Variants in KCNIP4 observed in about 807,000 individuals in gnomAD.
The protein encoded by KCNIP4 is Kv channel-interacting protein 4.
A neutral mutation model predicts 34.0 loss-of-function variants in KCNIP4; 12 were observed. The ratio of observed to expected loss-of-function variants is 0.35; its 90% CI spans 0.23 to 0.57. The LOEUF (loss-of-function observed/expected upper bound fraction) is 0.57. Among genes scored for constraint, KCNIP4 ranks in the 20% least tolerant of loss-of-function variants. The pLI is 0.83. For synonymous variants in KCNIP4, 124 were observed against 102.2 expected (o/e 1.21, Z -1.29); for missense variants, 238 against 311.7 (o/e 0.76, Z 1.78).
At chr4:21,688,387 G>A (rs1339553725) in intron 1 of KCNIP4, among the ~76,000 whole-genome samples, 1 of 152,094 alleles carries the variant, frequency 6.6e-6, no homozygotes, top group Non-Finnish European at 1.5e-5. Context: ...CCAAAACACT[G>A]CTGATCCAAG....
chr4:21,513,234 A>C (rs1322951866), intron 1 of KCNIP4, among the ~76,000 whole-genome samples: 2 of 152,200 alleles, frequency 1.3e-5, no homozygotes, highest in African/African-American at 4.8e-5. Context: ...ATATGAGAAC[A>C]AATCCATCTA....
chr4:20,735,870 T>TA (rs1217223319), intron 5 of KCNIP4, among the ~76,000 whole-genome samples: 1 of 152,186 alleles, frequency 6.6e-6, no homozygotes, highest in African/African-American at 2.4e-5. Flanking sequence ...GGGTTAACGT[T>TA]ACAATGTGCT....
intron 1 of KCNIP4, among the ~76,000 whole-genome samples, chr4:21,367,149 T>G (rs1190615892): frequency 6.6e-6 from 1 of 152,192 alleles, no homozygotes; most frequent in Non-Finnish European, 1.5e-5. Context: ...ATCTTATTCT[T>G]GGACTCCCAG....
chr4:21,477,970 G>A (rs984471088), intron 1 of KCNIP4, among the ~76,000 whole-genome samples: 2 of 152,036 alleles, frequency 1.3e-5, no homozygotes, highest in Non-Finnish European at 1.5e-5. Context: ...ACAAACCCAT[G>A]AACAAAAATC....
intron 1 of KCNIP4, among the ~76,000 whole-genome samples, chr4:20,922,547 G>GTCTGTCTATCTATCTATCTA (rs373186954): frequency 1.6e-3 from 203 of 129,522 alleles, no homozygotes; most frequent in East Asian, 4.7e-3. Context: ...CTGTCTGTCT[G>GTCTGTCTATCTATCTATCTA]TCTATCTATC....
At chr4:20,967,853 TCA>T (rs1188579976) in intron 1 of KCNIP4, among the ~76,000 whole-genome samples, 1 of 152,124 alleles carries the variant, frequency 6.6e-6, no homozygotes, top group East Asian at 1.9e-4. Context: ...GCAATACCAT[TCA>T]GGACATAGGC....
intron 1 of KCNIP4, among the ~76,000 whole-genome samples, chr4:21,866,964 G>A (rs1354694166): frequency 6.6e-6 from 1 of 151,658 alleles, no homozygotes; most frequent in Non-Finnish European, 1.5e-5. Flanking sequence ...GTAGAGACAG[G>A]GTTTCACCAT....
intron 2 of KCNIP4, among the ~76,000 whole-genome samples, chr4:20,868,658 A>G (rs1318214519): frequency 6.6e-6 from 1 of 152,170 alleles, no homozygotes; most frequent in African/African-American, 2.4e-5. Context: ...CTATGCAGCC[A>G]TTAAAAAAGA....
At chr4:20,924,586 G>A (rs944299423) in intron 1 of KCNIP4, among the ~76,000 whole-genome samples, 3 of 152,044 alleles carry the variant, frequency 2.0e-5, no homozygotes, top group African/African-American at 4.8e-5. Context: ...TTGAATGAAC[G>A]AATGACTTTG....
intron 1 of KCNIP4, among the ~76,000 whole-genome samples, chr4:21,564,131 C>G (rs1739661888): frequency 6.6e-6 from 1 of 152,070 alleles, no homozygotes; most frequent in Non-Finnish European, 1.5e-5. Flanking sequence ...ACGGATCTCC[C>G]CTACATCCTG....
Position 21,052,975 on chromosome 4 carries a change from AAG to A in KCNIP4, c.62-170268_62-170267del, listed in dbSNP as rs1190397439. ...AGAGGGGAGAGAGATGAGAGAGAGA[AAG>A]AGAGAGATCAATCTGAGAGAGAAAG... is the stretch of plus-strand genomic sequence containing the variant. On this transcript the variant is annotated intron_variant, in intron 1 of 8. Coordinates refer to ENST00000382152, the MANE Select transcript of KCNIP4 (RefSeq NM_025221.6). 3.3e-5 allele frequency among the ~76,000 whole-genome samples: 5 copies of A among 151,856 alleles called. No individual in the cohort carries two copies. The South Asian group carries it at 8.3e-4, about 25-fold the overall frequency.
intron 3 of KCNIP4, among the ~76,000 whole-genome samples, chr4:20,779,575 A>ACCCC (rs1560459276): frequency 5.9e-5 from 1 of 16,962 alleles, no homozygotes; most frequent in Non-Finnish European, 1.3e-4. Flanking sequence ...CCTGCCCCAC[A>ACCCC]ACCCCCCCCC....
chr4:21,554,952 T>A (rs34217898), intron 1 of KCNIP4, among the ~76,000 whole-genome samples: 1 of 152,130 alleles, frequency 6.6e-6, no homozygotes, highest in Middle Eastern at 3.2e-3. Context: ...TGGGTTTATA[T>A]ATTCTCCATC....
chr4:21,316,549 T>A (rs1181769729), intron 1 of KCNIP4: 2 of 152,156 alleles, frequency 1.3e-5, no homozygotes, highest in Non-Finnish European at 2.9e-5. Flanking sequence ...CACCATGATA[T>A]AACAGATTTT....
intron 1 of KCNIP4, among the ~76,000 whole-genome samples, chr4:21,783,911 G>C (rs1353226577): frequency 6.6e-6 from 1 of 152,022 alleles, no homozygotes; most frequent in Non-Finnish European, 1.5e-5. Flanking sequence ...TACATTATTT[G>C]ACCAAAAATA....
At chr4:21,303,867 C>T in intron 1 of KCNIP4, 3 of 1,613,958 alleles carry the variant, frequency 1.9e-6, no homozygotes, top group East Asian at 2.2e-5. Flanking sequence ...AGCACAATGA[C>T]GATCAGAACT....
intron 1 of KCNIP4, among the ~76,000 whole-genome samples, chr4:21,465,018 T>A (rs751973697): frequency 6.6e-6 from 1 of 152,088 alleles, no homozygotes; most frequent in Non-Finnish European, 1.5e-5. Context: ...TGAAAATTAA[T>A]CTTGACAGGA....
Position 21,059,355 on chromosome 4 carries a change from G to A in KCNIP4, c.62-176646C>T, listed in dbSNP as rs11943041. Among the ~76,000 whole-genome samples, 812 of 152,152 alleles carry A rather than the reference G, an allele frequency of 5.3e-3. 8 individuals carry two copies. Among genetic ancestry groups the A allele is most frequent in the African/African-American group, 0.019 (770 of 41,532 alleles). ...GGAGAACCCAATCTGGTTCATTAGC[G>A]CCAACTATTCAAATTGTCTTCAGGG... On this transcript the variant is annotated intron_variant, in intron 1 of 8. Coordinates refer to ENST00000382152, the MANE Select transcript of KCNIP4 (RefSeq NM_025221.6).
intron 1 of KCNIP4, among the ~76,000 whole-genome samples, chr4:21,704,214 T>C (rs1713085734): frequency 1.3e-5 from 2 of 152,004 alleles, no homozygotes; most frequent in African/African-American, 4.8e-5. Flanking sequence ...AATGTAAAAC[T>C]GTTAAAGTTT....
Sources: gnomAD v4.1 joint callset for allele counts (sites outside exome capture counted in the v4.1 genomes callset) on GRCh38, gnomAD v4.1.1 for gene constraint, MANE v1.5 for transcripts, NCBI Gene and HGNC (gene_info 2026-07-23, HGNC 2026-07-21) for gene names.